Variants in OC90 observed in about 807,000 individuals in gnomAD.
OC90 encodes the protein otoconin 90, also known as otoconin-90.
In OC90, 46 loss-of-function variants were observed where a neutral mutation model predicts 47.3. That is an observed-to-expected ratio of 0.97 (90% CI 0.77 to 1.24). OC90 has a LOEUF of 1.24. OC90 is among the 50% of genes most tolerant of loss of function. The pLI is 0.00. For synonymous variants in OC90, 271 were observed against 219.5 expected (o/e 1.23, Z -2.07); for missense variants, 688 against 583.9 (o/e 1.18, Z -1.84).
At chr8:132,054,151 G>A (rs1385520000) in intron 2 of OC90, among the ~76,000 whole-genome samples, 3 of 152,132 alleles carry the variant, frequency 2.0e-5, no homozygotes, top group East Asian at 1.9e-4. Context: ...CAGAGGCCTC[G>A]TCCCCTTCAT....
intron 9 of OC90, chr8:132,036,227 A>C: frequency 1.6e-6 from 1 of 621,394 alleles, no homozygotes; most frequent in Non-Finnish European, 2.9e-6. Flanking sequence ...TCAGTTTCCT[A>C]CATATTCTGT....
In OC90 at chr8:132,041,710, G is replaced by C. The variant is rs757541686; in HGVS notation, c.170-11C>G. ...GGGGGCCCAGGCAATCTGTGGGGGTGGGGGGCAGGGCCTGATAAGCACTGG... is the reference window on the plus strand; with the variant it reads ...GGGGGCCCAGGCAATCTGTGGGGGTCGGGGGCAGGGCCTGATAAGCACTGG... On this transcript the variant is annotated splice_polypyrimidine_tract_variant and intron_variant, in intron 4 of 13. Coordinates refer to ENST00000254627, the MANE Select transcript of OC90 (RefSeq NM_001080399.3). 1.4e-5 allele frequency: 21 copies of C among 1,529,326 alleles called. 1 individual carries two copies. The South Asian group carries it at 2.2e-4, about 16-fold the overall frequency. 94.7% of individuals were successfully genotyped at this position (1,529,326 alleles called of 1,614,324 possible).
intron 4 of OC90, 145 bp downstream of exon 4, chr8:132,044,288 C>T (rs1823100747): frequency 3.5e-5 from 22 of 622,854 alleles, no homozygotes; most frequent in South Asian, 2.6e-4. Context: ...CTACTCTCGT[C>T]GGAACTTGGG....
intron 9 of OC90, 43 bp downstream of exon 9, chr8:132,037,395 C>A: frequency 6.6e-7 from 1 of 1,517,082 alleles, no homozygotes; most frequent in Non-Finnish European, 9.0e-7. Flanking sequence ...TCCCCACTCT[C>A]ATTGTGTGTC....
intron 2 of OC90, 21 bp downstream of exon 2, chr8:132,054,960 G>A: frequency 1.3e-6 from 2 of 1,532,442 alleles, no homozygotes; most frequent in Non-Finnish European, 1.8e-6. Context: ...TGGAACTATG[G>A]TGTAAGATAT....
At chr8:132,045,764 A>T in intron 3 of OC90, 54 bp downstream of exon 3, 1 of 1,002,790 alleles carries the variant, frequency 1.0e-6, no homozygotes, top group Non-Finnish European at 1.5e-6. Flanking sequence ...TTCTCTGCCA[A>T]TATCCTAGAC....
In OC90 at chr8:132,034,814, C is replaced by T. The variant is rs1180506702; in HGVS notation, c.700G>A (p.Gly234Arg). The change falls in exon 10 of 14, where the codon GGA becomes AGA. Residue 234 changes from glycine (G) to arginine (R), a missense_variant. Transcript: ENST00000254627. ...GACGTAGCCCTAGCAGCTCCCACTC[C>T]TTCCTGATCGTGGCCTGCTTCTGTT... ...SGEEAGHDQEGVGAARATSPP... is the reference protein window; with the variant it reads ...SGEEAGHDQERVGAARATSPP... 3 of 1,612,772 alleles carry T rather than the reference C, an allele frequency of 1.9e-6. No homozygotes were observed. Among genetic ancestry groups the T allele is most frequent in the African/African-American group, 2.7e-5 (2 of 74,906 alleles).
In OC90 at chr8:132,024,679, G is replaced by T; in HGVS notation, c.1236C>A (p.Ser412=). 6.2e-7 allele frequency: 1 copy of T among 1,613,590 alleles called. No individual in the cohort carries two copies. The highest frequency in any genetic ancestry group is 8.5e-7 in the Non-Finnish European group (1 of 1,179,766). Reference sequence around the variant, plus strand: ...GCCCAGGGCACCCGAGTCTGCTTGGGGACTTGAGGCTTTGGTTAAAGGAGG... The same window carrying T: ...GCCCAGGGCACCCGAGTCTGCTTGGTGACTTGAGGCTTTGGTTAAAGGAGG... ...TSASFNQSLK[S]PSRLGCPGQP... is the part of the protein sequence containing the mutation. The change falls in exon 14 of 14, where the codon TCC becomes TCA. Residue 412 remains serine (S), a synonymous_variant. Transcript: ENST00000254627.
At chr8:132,050,447 CT>C (rs1823196650) in intron 2 of OC90, among the ~76,000 whole-genome samples, 3 of 152,100 alleles carry the variant, frequency 2.0e-5, no homozygotes, top group South Asian at 2.1e-4. Context: ...TGTCCTACCT[CT>C]AAGTAAGATC....
chr8:132,037,190 G>A (rs1025183681), intron 9 of OC90, among the ~76,000 whole-genome samples: 1 of 152,228 alleles, frequency 6.6e-6, no homozygotes, highest in Non-Finnish European at 1.5e-5. Flanking sequence ...AATATTAACT[G>A]AGATAGTTTG....
chr8:132,027,882 C>T (rs1484483937), intron 13 of OC90, among the ~76,000 whole-genome samples: 2 of 152,198 alleles, frequency 1.3e-5, no homozygotes, highest in African/African-American at 4.8e-5. Context: ...TACTTGGAAA[C>T]TCACTGGTGT....
At chr8:132,055,130 A>C (rs1823264768) in intron 1 of OC90, 57 bp from the exon 2 acceptor site, 1 of 911,906 alleles carries the variant, frequency 1.1e-6, no homozygotes, top group African/African-American at 1.7e-5. Flanking sequence ...CCATGAAAGA[A>C]CCCATGGGAC....
chr8:132,038,774 C>T lies in OC90; in HGVS notation c.628+16G>A. The T allele has an allele frequency of 6.2e-7, 1 of 1,611,474 alleles. No homozygotes were observed. The highest frequency in any genetic ancestry group is 1.3e-5 in the African/African-American group (1 of 74,988). ...GCCCTTGTGGTTCAAGAGCCACCAA[C>T]CCTGGGAGGCCTTACCTCTGGGCAG... On this transcript the variant is annotated intron_variant, in intron 8 of 13. Transcript: ENST00000254627.
chr8:132,033,157 T>A lies in OC90; in HGVS notation c.741A>T (p.Ala247=). ...AARATSPPGS[A]EIVATRVTAK... is the part of the protein sequence containing the mutation. ...CTGTAACCCTTGTTGCAACTATCTC[T>A]GCAGATCCTGAAAATGAAAAACTTC... is the stretch of plus-strand genomic sequence containing the variant. The change falls in exon 11 of 14, where the codon GCA becomes GCT. Residue 247 remains alanine (A), a synonymous_variant. Transcript: ENST00000254627. The A allele has an allele frequency of 6.2e-7, 1 of 1,604,686 alleles. No individual in the cohort carries two copies. Among genetic ancestry groups the A allele is most frequent in the South Asian group, 1.1e-5 (1 of 88,826 alleles).
At chr8:132,054,958 T>C in intron 2 of OC90, 23 bp downstream of exon 2, 3 of 1,525,790 alleles carry the variant, frequency 2.0e-6, no homozygotes, top group Non-Finnish European at 2.7e-6. Context: ...GCTGGAACTA[T>C]GGTGTAAGAT....
intron 4 of OC90, among the ~76,000 whole-genome samples, chr8:132,043,505 C>T (rs915645195): frequency 6.6e-6 from 1 of 152,232 alleles, no homozygotes; most frequent in Non-Finnish European, 1.5e-5. Context: ...TTCTCCTCCC[C>T]ATTCTCTACC....
chr8:132,045,708 T>C, intron 3 of OC90, 110 bp downstream of exon 3: 3 of 643,050 alleles, frequency 4.7e-6, no homozygotes, highest in Non-Finnish European at 8.4e-6. Context: ...TACTTACAAA[T>C]GCCACAGCAG....
chr8:132,043,847 A>AG (rs1242431899), intron 4 of OC90, among the ~76,000 whole-genome samples: 2 of 152,246 alleles, frequency 1.3e-5, no homozygotes, highest in Non-Finnish European at 2.9e-5. Context: ...CCTTATGCCC[A>AG]GCATGGCCCG....
chr8:132,034,430 C>T (rs1025126336), intron 10 of OC90, among the ~76,000 whole-genome samples: 1 of 152,198 alleles, frequency 6.6e-6, no homozygotes, highest in Non-Finnish European at 1.5e-5. Flanking sequence ...GACTCTCCAG[C>T]TAGAACGTTC....
Sources: allele counts gnomAD v4.1 joint callset (sites outside exome capture counted in the v4.1 genomes callset), GRCh38; gene constraint gnomAD v4.1.1; transcripts MANE v1.5; gene names NCBI Gene and HGNC (gene_info 2026-07-23, HGNC 2026-07-21).